CCDC91: variants seen among roughly 807,000 people sequenced by gnomAD.
CCDC91 encodes the protein coiled-coil domain containing 91, also known as coiled-coil domain-containing protein 91.
A neutral mutation model predicts 63.2 loss-of-function variants in CCDC91; 48 were observed. The ratio of observed to expected loss-of-function variants is 0.76; its 90% CI spans 0.60 to 0.97. The LOEUF is 0.97. Ranked by LOEUF, CCDC91 falls within the 50% of genes least tolerant of loss-of-function variation. The pLI, the probability that CCDC91 is intolerant of heterozygous loss-of-function variation, is 0.00. For missense variants in CCDC91, 500 were observed against 494.6 expected (o/e 1.01, Z -0.10); for synonymous variants, 167 against 165.8 (o/e 1.01, Z -0.06).
At chr12:28,415,594 T>C (rs975116830) in intron 8 of CCDC91, among the ~76,000 whole-genome samples, 1 of 152,162 alleles carries the variant, frequency 6.6e-6, no homozygotes, top group Non-Finnish European at 1.5e-5. Context: ...AAAATAATTA[T>C]AAAAACATGG....
At chr12:28,535,802 G>C (rs1365590982) in intron 12 of CCDC91, among the ~76,000 whole-genome samples, 1 of 152,042 alleles carries the variant, frequency 6.6e-6, no homozygotes, top group African/African-American at 2.4e-5. Flanking sequence ...GCCAAGGTGG[G>C]CAGATCATGA....
chr12:28,502,297 CAG>C (rs1263057725), intron 12 of CCDC91, among the ~76,000 whole-genome samples: 1 of 151,900 alleles, frequency 6.6e-6, no homozygotes, highest in Admixed American at 6.6e-5. Context: ...AACAGACAAA[CAG>C]AGAGCCAAAT....
chr12:28,271,340 T>C (rs948472150), intron 3 of CCDC91, among the ~76,000 whole-genome samples: 4 of 152,134 alleles, frequency 2.6e-5, no homozygotes, highest in African/African-American at 9.6e-5. Context: ...TTTTATTGTT[T>C]ATTATATTTT....
intron 3 of CCDC91, among the ~76,000 whole-genome samples, chr12:28,275,943 A>T (rs1366991189): frequency 3.3e-5 from 5 of 152,142 alleles, no homozygotes; most frequent in African/African-American, 1.2e-4. Flanking sequence ...AAAAACTCTC[A>T]ATAAATTAGG....
At chr12:28,403,028 C>T (rs913514747) in intron 8 of CCDC91, among the ~76,000 whole-genome samples, 4 of 152,158 alleles carry the variant, frequency 2.6e-5, no homozygotes, top group African/African-American at 9.7e-5. Flanking sequence ...TTTTGCTATG[C>T]TGCTGGATTC....
chr12:28,513,312 C>T (rs1939578843), intron 12 of CCDC91, among the ~76,000 whole-genome samples: 1 of 151,832 alleles, frequency 6.6e-6, no homozygotes, highest in Non-Finnish European at 1.5e-5. Context: ...ATGCCTAACA[C>T]ATGGCACATT....
chr12:28,479,315 G>T (rs1337955254), intron 11 of CCDC91, among the ~76,000 whole-genome samples: 1 of 152,144 alleles, frequency 6.6e-6, no homozygotes, highest in African/African-American at 2.4e-5. Context: ...CCTTTGTAGG[G>T]ACATGGATGA....
intron 6 of CCDC91, among the ~76,000 whole-genome samples, chr12:28,323,048 A>G (rs749119913): frequency 1.3e-5 from 2 of 151,366 alleles, no homozygotes; most frequent in African/African-American, 4.8e-5. Context: ...ACCTTTATAT[A>G]TTAGGATTAT....
chr12:28,264,585 C>CTGTCTG (rs1555169638), intron 3 of CCDC91, among the ~76,000 whole-genome samples: 4 of 137,258 alleles, frequency 2.9e-5, no homozygotes, highest in East Asian at 2.1e-4. Context: ...ATATGTCTGT[C>CTGTCTG]TGTGTGTGTG....
At chr12:28,275,740 A>G (rs1379244775) in intron 3 of CCDC91, among the ~76,000 whole-genome samples, 5 of 152,124 alleles carry the variant, frequency 3.3e-5, no homozygotes, top group Admixed American at 2.6e-4. Context: ...CTGGCAAACC[A>G]AATCCAGCAG....
chr12:28,493,291 A>G (rs563406189), intron 12 of CCDC91, among the ~76,000 whole-genome samples: 46 of 151,868 alleles, frequency 3.0e-4, no homozygotes, highest in Admixed American at 5.9e-4. Flanking sequence ...CTACCTTGGT[A>G]AATTTTTAAG....
chr12:28,535,848 G>GA (rs1005052263), intron 12 of CCDC91, among the ~76,000 whole-genome samples: 3 of 151,922 alleles, frequency 2.0e-5, no homozygotes, highest in African/African-American at 7.3e-5. Context: ...CTAACACGGT[G>GA]AAACCCCGTC....
intron 8 of CCDC91, among the ~76,000 whole-genome samples, chr12:28,441,057 C>CAAAAAAAAAAAAAAAAA (rs60278449): frequency 4.7e-4 from 25 of 52,704 alleles, no homozygotes; most frequent in East Asian, 2.1e-3. Context: ...GACTCCATCT[C>CAAAAAAAAAAAAAAAAA]AAAAAAAAAA....
rs771029837 is a variant in CCDC91 at position 28,362,438 on chromosome 12, G to A, written c.577G>A (p.Glu193Lys). Residue 193 changes from glutamate (E) to lysine (K), a missense_variant and splice_region_variant, in exon 7 of 13, where the codon GAA (glutamate) becomes AAA (lysine). Physicochemically the swap from Glu to Lys is moderately conservative, Grantham distance 56 (BLOSUM62 1). Transcript: ENST00000536442. Reference protein sequence around the residue: ...SFQDRYKELQEKHKQELEDMR... With the variant: ...SFQDRYKELQKKHKQELEDMR... ...GGTTTTAGTTTCTTTTTTCTTTCAG[G>A]AAAAACATAAACAAGAATTGGAAGA... 4.5e-6 allele frequency: 7 copies of A among 1,567,478 alleles called. No individual in the cohort carries two copies. Among genetic ancestry groups the A allele is most frequent in the Non-Finnish European group, 5.2e-6 (6 of 1,156,548 alleles).
At chr12:28,312,921 C>T (rs959190627) in intron 6 of CCDC91, among the ~76,000 whole-genome samples, 25 of 151,994 alleles carry the variant, frequency 1.6e-4, no homozygotes, top group African/African-American at 6.0e-4. Context: ...ACTGTGAATC[C>T]ATTAAACCTC....
intron 12 of CCDC91, among the ~76,000 whole-genome samples, chr12:28,520,783 T>C (rs375090298): frequency 6.6e-6 from 1 of 152,236 alleles, no homozygotes; most frequent in Non-Finnish European, 1.5e-5. Flanking sequence ...TTCAGCTTTC[T>C]ACATATGGCT....
chr12:28,245,567 A>G (rs890210476), intron 1 of CCDC91, among the ~76,000 whole-genome samples: 1 of 152,214 alleles, frequency 6.6e-6, no homozygotes, highest in African/African-American at 2.4e-5. Flanking sequence ...AAACTAGAAG[A>G]TGTTTGCAAT....
intron 8 of CCDC91, among the ~76,000 whole-genome samples, chr12:28,434,675 G>C (rs1210394488): frequency 2.3e-5 from 3 of 128,206 alleles, no homozygotes; most frequent in African/African-American, 9.1e-5. Flanking sequence ...TATTCCCTCT[G>C]CTTCTATCTT....
At chr12:28,482,944 T>G (rs1951524778) in intron 11 of CCDC91, among the ~76,000 whole-genome samples, 1 of 151,958 alleles carries the variant, frequency 6.6e-6, no homozygotes, top group Non-Finnish European at 1.5e-5. Context: ...TAGAAGAATA[T>G]GTAATGTCTC....
Sources: allele counts gnomAD v4.1 joint callset (sites outside exome capture counted in the v4.1 genomes callset), GRCh38; gene constraint gnomAD v4.1.1; transcripts MANE v1.5; gene names NCBI Gene and HGNC (gene_info 2026-07-23, HGNC 2026-07-21).